The following WLS variants were observed in gnomAD, a reference collection of about 807,000 sequenced individuals.
WLS encodes Wnt ligand secretion mediator.
WLS carries 23 observed loss-of-function variants against 62.8 expected under a neutral mutation model. That is an observed-to-expected ratio of 0.37 (90% confidence interval 0.26 to 0.52). The LOEUF is 0.52. WLS is among the 20% of genes least tolerant of loss of function. The probability of loss-of-function intolerance (pLI) is 0.92; values close to 1 mark genes in which losing one functional copy is unlikely to be tolerated. For synonymous variants in WLS, 246 were observed against 244.1 expected (o/e 1.01, Z -0.07); for missense variants, 615 against 697.3 (o/e 0.88, Z 1.33).
chr1:68,201,486 A>T (rs1272094711), intron 1 of WLS, among the ~76,000 whole-genome samples: 2 of 152,232 alleles, frequency 1.3e-5, no homozygotes, highest in Non-Finnish European at 2.9e-5. Context: ...CATACCCATT[A>T]AATCTTACTA....
At chr1:68,212,249 CAA>C (rs1649544025) in intron 1 of WLS, among the ~76,000 whole-genome samples, 1 of 152,142 alleles carries the variant, frequency 6.6e-6, no homozygotes, top group African/African-American at 2.4e-5. Flanking sequence ...GGACATTCAG[CAA>C]AAGAGTTCAC....
intron 11 of WLS, among the ~76,000 whole-genome samples, chr1:68,108,288 T>A (rs1014260786): frequency 6.6e-6 from 1 of 152,228 alleles, no homozygotes; most frequent in Non-Finnish European, 1.5e-5. Flanking sequence ...TCCTGTCTTT[T>A]CTACTTGGTA....
At chr1:68,176,048 C>CGGTTGGAA (rs1647245452) in intron 2 of WLS, among the ~76,000 whole-genome samples, 1 of 152,158 alleles carries the variant, frequency 6.6e-6, no homozygotes, top group East Asian at 1.9e-4. Context: ...TCTTCGTTCC[C>CGGTTGGAA]ATGAATGAGG....
At chr1:68,185,328 T>C (rs11209228) in intron 2 of WLS, among the ~76,000 whole-genome samples, 5,655 of 152,210 alleles carry the variant, frequency 0.037, 343 homozygotes, top group African/African-American at 0.13. Flanking sequence ...CTTATGCACG[T>C]TATAAAGGAT....
chr1:68,139,244 T>C (rs1247684007), intron 10 of WLS, among the ~76,000 whole-genome samples: 1 of 152,196 alleles, frequency 6.6e-6, no homozygotes, highest in African/African-American at 2.4e-5. Context: ...CTGGCAAAGA[T>C]GGATTTCATA....
intron 2 of WLS, among the ~76,000 whole-genome samples, chr1:68,187,372 CATGTT>C (rs1429539773): frequency 6.6e-6 from 1 of 151,728 alleles, no homozygotes; most frequent in African/African-American, 2.4e-5. Flanking sequence ...TGCTAGTTCT[CATGTT>C]ATAAGAAAAT....
At chr1:68,162,211 G>T in intron 2 of WLS, 1 of 1,451,832 alleles carries the variant, frequency 6.9e-7, no homozygotes, top group Non-Finnish European at 9.7e-7. Flanking sequence ...CACATAGAGG[G>T]CTGCCCCTCG....
In WLS at chr1:68,232,224, T is replaced by C. The variant is rs764608845; in HGVS notation, c.76A>G (p.Ile26Val). The C allele has an allele frequency of 1.2e-6, 2 of 1,614,122 alleles. No individual in the cohort carries two copies. The highest frequency in any genetic ancestry group is 8.5e-7 in the Non-Finnish European group (1 of 1,180,020). The change falls in exon 1 of 12, where the codon ATC (isoleucine) becomes GTC (valine). Residue 26 changes from isoleucine (I) to valine (V), a missense_variant. Physicochemically the swap from Ile to Val is conservative, Grantham distance 29. Transcript: ENST00000262348. ...IVGGILLVFQIIAFLVGGLIA... is the reference protein window; with the variant it reads ...IVGGILLVFQVIAFLVGGLIA... ...AAGCCTCCCACCAGAAAGGCGATGA[T>C]TTGGAACACGAGCAGAATCCCACCA...
chr1:68,146,330 C>G (rs1253348260), intron 8 of WLS, among the ~76,000 whole-genome samples: 1 of 152,100 alleles, frequency 6.6e-6, no homozygotes, highest in Non-Finnish European at 1.5e-5. Flanking sequence ...AACCAGGTCC[C>G]CAGGAGATCC....
intron 2 of WLS, among the ~76,000 whole-genome samples, chr1:68,182,113 T>C (rs991444166): frequency 1.5e-4 from 23 of 152,212 alleles, no homozygotes; most frequent in Admixed American, 1.5e-3. Flanking sequence ...AACCAATAGA[T>C]GACTAGAAGA....
At chr1:68,162,552 C>T in intron 2 of WLS, 6 of 1,588,548 alleles carry the variant, frequency 3.8e-6, no homozygotes, top group South Asian at 3.3e-5. Flanking sequence ...CCAGCATTTC[C>T]CCACGGATGC....
At chr1:68,143,178 A>G (rs1646708495) in intron 10 of WLS, among the ~76,000 whole-genome samples, 4 of 152,166 alleles carry the variant, frequency 2.6e-5, no homozygotes, top group Admixed American at 2.0e-4. Context: ...AAAGGGGTCC[A>G]TATACAAAAA....
chr1:68,148,089 G>A (rs1173802410), intron 8 of WLS, 47 bp downstream of exon 8: 2 of 1,599,540 alleles, frequency 1.3e-6, no homozygotes, highest in South Asian at 2.2e-5. Flanking sequence ...TGGGGACTGG[G>A]TGGCCAGGGG....
chr1:68,167,712 C>T (rs2100529052), intron 2 of WLS, among the ~76,000 whole-genome samples: 1 of 152,234 alleles, frequency 6.6e-6, no homozygotes, highest in South Asian at 2.1e-4. Flanking sequence ...GGTATAGAAG[C>T]CCATAGGTCC....
At chr1:68,142,846 T>A (rs1557472018) in intron 10 of WLS, 1 of 152,208 alleles carries the variant, frequency 6.6e-6, no homozygotes, top group African/African-American at 2.4e-5. Context: ...TTGGATAGAA[T>A]TCAAGGGGTC....
intron 2 of WLS, among the ~76,000 whole-genome samples, chr1:68,178,705 C>CA (rs376126398): frequency 0.022 from 2,391 of 108,048 alleles, 67 homozygotes; most frequent in African/African-American, 0.068. Flanking sequence ...GACTACATTT[C>CA]AAAAAAAAAA....
chr1:68,213,430 A>G (rs939824259), intron 1 of WLS, among the ~76,000 whole-genome samples: 1 of 150,202 alleles, frequency 6.7e-6, no homozygotes, highest in Non-Finnish European at 1.5e-5. Context: ...CAGACTGGGC[A>G]ACAAGAGCGA....
intron 11 of WLS, among the ~76,000 whole-genome samples, chr1:68,127,676 T>A (rs543677658): frequency 6.6e-6 from 1 of 152,118 alleles, no homozygotes; most frequent in East Asian, 1.9e-4. Context: ...ACATATCATA[T>A]GATAAGTTTT....
At chr1:68,184,238 T>C (rs1157630215) in intron 2 of WLS, among the ~76,000 whole-genome samples, 1 of 152,218 alleles carries the variant, frequency 6.6e-6, no homozygotes, top group African/African-American at 2.4e-5. Context: ...CTAACTTTGA[T>C]CTATGCACCC....
Sources: allele counts gnomAD v4.1 joint callset (sites outside exome capture counted in the v4.1 genomes callset), GRCh38; gene constraint gnomAD v4.1.1; transcripts MANE v1.5; gene names NCBI Gene and HGNC (gene_info 2026-07-23, HGNC 2026-07-21).